PLCZ1: variants seen among roughly 807,000 people sequenced by gnomAD.
The protein encoded by PLCZ1 is phospholipase C zeta 1.
PLCZ1 carries 64 observed loss-of-function variants against 76.8 expected under a neutral mutation model. That is an observed-to-expected ratio of 0.83 (90% confidence interval 0.68 to 1.03). The LOEUF (loss-of-function observed/expected upper bound fraction) is 1.03, where lower values mean the gene tolerates loss of function less well. PLCZ1 is among the 50% of genes least tolerant of loss of function. The pLI, the probability that PLCZ1 is intolerant of heterozygous loss-of-function variation, is 0.00. For synonymous variants in PLCZ1, 248 were observed against 230.8 expected (o/e 1.07, Z -0.68); for missense variants, 751 against 713.7 (o/e 1.05, Z -0.60).
At chr12:18,730,630 C>A (rs1457551369) in intron 3 of PLCZ1, among the ~76,000 whole-genome samples, 1 of 152,054 alleles carries the variant, frequency 6.6e-6, no homozygotes, top group Non-Finnish European at 1.5e-5. Flanking sequence ...CTGCTCATGT[C>A]CGTAATCATA....
the PLCZ1 span, among the ~76,000 whole-genome samples, chr12:18,655,696 G>A: frequency 1.3e-5 from 2 of 151,668 alleles, no homozygotes; most frequent in African/African-American, 4.9e-5. Flanking sequence ...GATGAAAGTG[G>A]CACTTTACCT....
the PLCZ1 span, among the ~76,000 whole-genome samples, chr12:18,654,832 T>C: frequency 6.6e-6 from 1 of 152,160 alleles, no homozygotes; most frequent in African/African-American, 2.4e-5. Context: ...TCATCTCTCT[T>C]AATGTGGGAC....
At chr12:18,669,665 C>CT in the PLCZ1 span, among the ~76,000 whole-genome samples, 231 of 148,644 alleles carry the variant, frequency 1.6e-3, 1 homozygote, top group Admixed American at 3.6e-3. Flanking sequence ...CTCTTCCTCT[C>CT]TTTTTTTTTT....
intron 6 of PLCZ1, among the ~76,000 whole-genome samples, chr12:18,707,057 G>A (rs912604483): frequency 2.0e-5 from 3 of 152,096 alleles, no homozygotes; most frequent in Non-Finnish European, 2.9e-5. Context: ...TCCTCCTCTG[G>A]TGTATCAAAT....
intron 7 of PLCZ1, 93 bp downstream of exon 7, chr12:18,705,073 T>G (rs1057325869): frequency 2.7e-6 from 4 of 1,476,288 alleles, no homozygotes; most frequent in African/African-American, 2.8e-5. Context: ...AGCATTTTCA[T>G]TGGTCTCTAG....
intron 5 of PLCZ1, 61 bp from the exon 6 acceptor site, chr12:18,713,047 T>C: frequency 6.3e-7 from 1 of 1,583,208 alleles, no homozygotes; most frequent in Non-Finnish European, 8.7e-7. Context: ...TATACCAAAG[T>C]ATTAAAATAT....
the PLCZ1 span, among the ~76,000 whole-genome samples, chr12:18,650,704 GTA>G: frequency 1.5e-3 from 89 of 57,756 alleles, 3 homozygotes; most frequent in East Asian, 0.01. Context: ...GTGTGTGTGT[GTA>G]TATATCTATA....
At chr12:18,670,449 T>G in the PLCZ1 span, among the ~76,000 whole-genome samples, 1 of 151,820 alleles carries the variant, frequency 6.6e-6, no homozygotes. Flanking sequence ...ACCATGAGAG[T>G]TGAAGGGCCT....
intron 6 of PLCZ1, among the ~76,000 whole-genome samples, chr12:18,708,938 AT>A (rs376022504): frequency 5.3e-5 from 8 of 151,882 alleles, no homozygotes; most frequent in South Asian, 4.2e-4. Context: ...GTTTGCAAAT[AT>A]TTTTTCCCCA....
At chr12:18,661,440 C>T in the PLCZ1 span, among the ~76,000 whole-genome samples, 6 of 152,010 alleles carry the variant, frequency 3.9e-5, no homozygotes, top group East Asian at 1.9e-4. Flanking sequence ...AAGGCCTTTT[C>T]GTAGGATTAT....
At chr12:18,717,225 A>AT (rs896083200) in intron 5 of PLCZ1, among the ~76,000 whole-genome samples, 5 of 152,190 alleles carry the variant, frequency 3.3e-5, no homozygotes, top group African/African-American at 1.2e-4. Context: ...TAATATTTAT[A>AT]TTTTCTCTCT....
chr12:18,686,507 G>A (rs1318686836), intron 13 of PLCZ1, among the ~76,000 whole-genome samples: 1 of 151,072 alleles, frequency 6.6e-6, no homozygotes, highest in Non-Finnish European at 1.5e-5. Flanking sequence ...CATATTTTAG[G>A]ACTTGTGTTC....
At chr12:18,730,634 A>C (rs545435232) in intron 3 of PLCZ1, among the ~76,000 whole-genome samples, 79 of 152,284 alleles carry the variant, frequency 5.2e-4, no homozygotes, top group African/African-American at 1.8e-3. Context: ...TCATGTCCGT[A>C]ATCATACATT....
the PLCZ1 span, among the ~76,000 whole-genome samples, chr12:18,650,847 C>T: frequency 1.3e-5 from 2 of 149,828 alleles, no homozygotes; most frequent in Non-Finnish European, 3.0e-5. Context: ...CACTCTCCAC[C>T]TGAAAATACT....
At chr12:18,656,502 T>G in the PLCZ1 span, among the ~76,000 whole-genome samples, 1 of 151,848 alleles carries the variant, frequency 6.6e-6, no homozygotes, top group Non-Finnish European at 1.5e-5. Context: ...GAGAAGGAGG[T>G]TGCAGTGAGA....
At position 18,737,918 on chromosome 12, in the gene PLCZ1, A is replaced by G; in HGVS notation, c.-139+14T>C. ...CTAGATCGTTGACAACATATAATGCACACAGAGACACACCACTTTCGAAGA... is the reference window on the plus strand; with the variant it reads ...CTAGATCGTTGACAACATATAATGCGCACAGAGACACACCACTTTCGAAGA... On this transcript the variant is annotated intron_variant, in intron 1 of 14. Coordinates refer to ENST00000266505, the MANE Select transcript of PLCZ1 (RefSeq NM_033123.4). 1 of 298,490 alleles carries G rather than the reference A, an allele frequency of 3.4e-6. No individual in the cohort carries two copies. The highest frequency in any genetic ancestry group is 4.7e-5 in the Admixed American group (1 of 21,166). 18.5% of individuals were successfully genotyped at this position (298,490 alleles called of 1,614,324 possible). A position where few individuals can be genotyped will look rare whatever the true frequency, so the allele number is the denominator to read the frequency against.
At chr12:18,728,549 G>A (rs973292127) in intron 3 of PLCZ1, among the ~76,000 whole-genome samples, 3 of 152,124 alleles carry the variant, frequency 2.0e-5, no homozygotes, top group Admixed American at 6.6e-5. Context: ...GAGAGCAGAA[G>A]GAGTGGTCAC....
intron 6 of PLCZ1, among the ~76,000 whole-genome samples, chr12:18,709,957 T>C (rs1957087687): frequency 6.6e-6 from 1 of 151,890 alleles, no homozygotes; most frequent in Non-Finnish European, 1.5e-5. Context: ...TTCAATTAGG[T>C]CACTATTTGC....
the PLCZ1 span, among the ~76,000 whole-genome samples, chr12:18,646,828 G>A: frequency 6.6e-6 from 1 of 151,568 alleles, no homozygotes; most frequent in Non-Finnish European, 1.5e-5. Flanking sequence ...ATGCCTTTAC[G>A]TTGCTTTACC....
Sources: allele counts gnomAD v4.1 joint callset (sites outside exome capture counted in the v4.1 genomes callset), GRCh38; gene constraint gnomAD v4.1.1; transcripts MANE v1.5; gene names NCBI Gene and HGNC (gene_info 2026-07-23, HGNC 2026-07-21).